CIAO3: variants seen among roughly 807,000 people sequenced by gnomAD.
The protein encoded by CIAO3 is cytosolic iron-sulfur assembly component 3.
A neutral mutation model predicts 51.5 loss-of-function variants in CIAO3; 45 were observed. The ratio of observed to expected loss-of-function variants is 0.87; its 90% CI spans 0.69 to 1.12. The LOEUF (loss-of-function observed/expected upper bound fraction) is 1.12, where lower values mean the gene tolerates loss of function less well. CIAO3 is among the 50% of genes most tolerant of loss of function. The pLI, the probability that CIAO3 is intolerant of heterozygous loss-of-function variation, is 0.00. For missense variants in CIAO3, 668 were observed against 632.5 expected (o/e 1.06, Z -0.60); for synonymous variants, 314 against 269.3 (o/e 1.17, Z -1.63).
intron 2 of CIAO3, chr16:738,473 C>A: frequency 2.6e-6 from 1 of 380,802 alleles, no homozygotes; most frequent in Non-Finnish European, 3.6e-6. Flanking sequence ...CTCAGCTTCC[C>A]GGTAGCTGGG....
chr16:740,240 G>T, intron 1 of CIAO3: 1 of 536,664 alleles, frequency 1.9e-6, no homozygotes, highest in Non-Finnish European at 3.1e-6. Context: ...CCCGCCTCTC[G>T]CCCTGCTCAG....
chr16:738,450 G>A (rs776918050), intron 2 of CIAO3: 7 of 497,654 alleles, frequency 1.4e-5, no homozygotes, highest in Non-Finnish European at 1.8e-5. Context: ...CCAGGCTCAC[G>A]CCATTCTCCT....
In CIAO3 at chr16:737,134, G is replaced by C; in HGVS notation, c.306+52C>G. The C allele has an allele frequency of 1.6e-5, 26 of 1,604,770 alleles. No homozygotes were observed. The South Asian group carries it at 2.9e-4, about 18-fold the overall frequency. On this transcript the variant is annotated intron_variant, in intron 3 of 10. Coordinates refer to ENST00000251588, the MANE Select transcript of CIAO3 (RefSeq NM_022493.3). This position sits in a 1 kb window ranked among gnomAD's most constrained non-coding sequence, Gnocchi z 5.3. ...CCCTTGGCAAAACGCGTTGTCGGCT[G>C]CTGGGATGGATTTCAGGTTAAAGCA...
Position 734,217 on chromosome 16 carries a change from C to T in CIAO3, c.693+12G>A, listed in dbSNP as rs1300886483. ...CCCCAGCCTGAGTCTGGGGCTGGCC[C>T]AACGCCGTTACCTGCTGCTGGGCGA... is the stretch of plus-strand genomic sequence containing the variant. On this transcript the variant is annotated intron_variant, in intron 6 of 10. Coordinates refer to ENST00000251588, the MANE Select transcript of CIAO3 (RefSeq NM_022493.3). 6.2e-7 allele frequency: 1 copy of T among 1,609,026 alleles called. No individual in the cohort carries two copies. The highest frequency in any genetic ancestry group is 8.5e-7 in the Non-Finnish European group (1 of 1,178,764).
chr16:733,489 C>G (rs1459928123), intron 6 of CIAO3, 62 bp from the exon 7 acceptor site: 2 of 1,605,534 alleles, frequency 1.2e-6, no homozygotes, highest in African/African-American at 2.7e-5. Context: ...GAGACGGGAC[C>G]TGGAACTCAG....
chr16:734,968 G>A, intron 4 of CIAO3, 97 bp from the exon 5 acceptor site: 1 of 1,416,248 alleles, frequency 7.1e-7, no homozygotes. Flanking sequence ...CAGGGCACGT[G>A]TGTCGCACCT....
At chr16:732,234 G>A in intron 8 of CIAO3, 67 bp downstream of exon 8, 2 of 1,502,926 alleles carry the variant, frequency 1.3e-6, no homozygotes, top group Admixed American at 1.9e-5. Context: ...CCCAGAGCAG[G>A]GGGATGCTAT....
Position 730,581 on chromosome 16 carries a change from G to C in CIAO3, c.1267C>G (p.Leu423Val). 6.2e-7 allele frequency: 1 copy of C among 1,610,932 alleles called. No homozygotes were observed. Among genetic ancestry groups the C allele is most frequent in the South Asian group, 1.1e-5 (1 of 91,090 alleles). The stretch of plus-strand genomic sequence containing the variant: ...GCCTCAGCCCGGACCATGCCGTACA[G>C]TCTCTCCACGTGCTGGAGGAGCTCT... ...SRELLQHVER[L>V]YGMVRAEAPE... Residue 423 changes from leucine (L) to valine (V), a missense_variant, in exon 11 of 11, where the codon CTG becomes GTG. Coordinates refer to ENST00000251588, the MANE Select transcript of CIAO3 (RefSeq NM_022493.3).
chr16:737,448 G>A lies in CIAO3; in HGVS notation c.163-119C>T. 2 of 1,563,436 alleles carry A rather than the reference G, an allele frequency of 1.3e-6. No homozygotes were observed. The highest frequency in any genetic ancestry group is 1.7e-6 in the Non-Finnish European group (2 of 1,155,282). ...ACATGGCTGCTGGCTGGGCTTGTGTGCCGCTGAATTTTTAAAAATTAGGTA... is the reference window on the plus strand; with the variant it reads ...ACATGGCTGCTGGCTGGGCTTGTGTACCGCTGAATTTTTAAAAATTAGGTA... On this transcript the variant is annotated intron_variant, in intron 2 of 10. Coordinates refer to ENST00000251588, the MANE Select transcript of CIAO3 (RefSeq NM_022493.3). This position sits in a 1 kb window ranked among gnomAD's most constrained non-coding sequence, Gnocchi z 5.3.
At chr16:739,817 G>T in intron 1 of CIAO3, 79 bp from the exon 2 acceptor site, 1 of 1,451,402 alleles carries the variant, frequency 6.9e-7, no homozygotes, top group Non-Finnish European at 9.5e-7. Context: ...AAGGATGGCT[G>T]CCCAGCCGCA....
intron 9 of CIAO3, chr16:731,245 G>A: frequency 1.6e-6 from 1 of 629,212 alleles, no homozygotes; most frequent in East Asian, 2.8e-5. Flanking sequence ...CCCCAGGGAT[G>A]TCTGTGAGGC....
Position 732,308 on chromosome 16 carries a change from C to G in CIAO3, c.889G>C (p.Asp297His). The G allele has an allele frequency of 6.2e-7, 1 of 1,612,312 alleles. No individual in the cohort carries two copies. The highest frequency in any genetic ancestry group is 8.5e-7 in the Non-Finnish European group (1 of 1,179,286). ...SLPDLEPAPL[D>H]SLCSGASAEE... Reference sequence around the variant, plus strand: ...GGTGGCAGACATACGTACAGGCTGTCCAGAGGGGCTGGTTCCAGGTCGGGG... The same window carrying G: ...GGTGGCAGACATACGTACAGGCTGTGCAGAGGGGCTGGTTCCAGGTCGGGG... Residue 297 changes from aspartate (D) to histidine (H), a missense_variant, in exon 8 of 11, where the codon GAC becomes CAC. Asp to His is a moderately conservative substitution (Grantham distance 81). Transcript: ENST00000251588.
Position 730,326 on chromosome 16 carries a change from A to C in CIAO3, c.*91T>G, listed in dbSNP as rs759525403. 9.1e-5 allele frequency: 122 copies of C among 1,340,134 alleles called. 2 individuals are homozygous for C. Among genetic ancestry groups the C allele is most frequent in the Non-Finnish European group, 1.2e-4 (115 of 961,854 alleles). 83.0% of individuals were successfully genotyped at this position (1,340,134 alleles called of 1,614,324 possible). ...TCCCAGCACACCCTGCAGCTCACTC[A>C]GAATTTTGGGGGAAGCCCTGGGGTC... On this transcript the variant is annotated 3_prime_UTR_variant, in exon 11 of 11. Transcript: ENST00000251588.
intron 7 of CIAO3, chr16:732,803 A>C: frequency 3.1e-6 from 1 of 323,276 alleles, no homozygotes; most frequent in Non-Finnish European, 6.1e-6. Context: ...ACTCCCGGCT[A>C]ATTTTCGTAT....
rs1190564883 is a variant in CIAO3, at chr16:733,183, C to T, written c.823+115G>A. ...AGGTACGTGCACGCATGCGAGCCCCCACACTCCAGCCAGGGCCCCCACAGG... is the reference window on the plus strand; with the variant it reads ...AGGTACGTGCACGCATGCGAGCCCCTACACTCCAGCCAGGGCCCCCACAGG... On this transcript the variant is annotated intron_variant, in intron 7 of 10. Coordinates refer to ENST00000251588, the MANE Select transcript of CIAO3 (RefSeq NM_022493.3). The T allele has an allele frequency of 3.0e-4, 410 of 1,381,234 alleles. 2 individuals are homozygous for T. Among genetic ancestry groups the T allele is most frequent in the Non-Finnish European group, 8.7e-5 (88 of 1,017,326 alleles). 85.6% of individuals were successfully genotyped at this position (1,381,234 alleles called of 1,614,324 possible).
chr16:736,214 C>G, intron 4 of CIAO3, 52 bp downstream of exon 4: 2 of 1,608,766 alleles, frequency 1.2e-6, no homozygotes, highest in Non-Finnish European at 1.7e-6. Context: ...TGGGCTTACT[C>G]AGACGCCCCC....
In CIAO3 at chr16:731,276, T is replaced by G. The variant is rs192569173; in HGVS notation, c.1035-276A>C. The stretch of plus-strand genomic sequence containing the variant: ...GAGGCCCTGGCCCTCCCTCCTGGGA[T>G]GTGGTCGCGTGCCTGCGCCAGGCAC... On this transcript the variant is annotated intron_variant, in intron 9 of 10. Transcript: ENST00000251588. 5.7e-4 allele frequency: 349 copies of G among 609,510 alleles called. 5 individuals are homozygous for G. In the East Asian group the frequency reaches 6.5e-3, roughly 11 times the overall value. The allele number at this position is 609,510 out of a possible 1,614,324, so 37.8% of individuals were successfully genotyped here.
chr16:735,005 AC>A (rs2041324110), intron 4 of CIAO3, 134 bp from the exon 5 acceptor site: 1 of 1,234,270 alleles, frequency 8.1e-7, no homozygotes, highest in Non-Finnish European at 1.1e-6. Context: ...CCCCGGCCCC[AC>A]CGTGGGGACC....
At chr16:734,523 C>A in intron 5 of CIAO3, 176 bp from the exon 6 acceptor site, 1 of 933,626 alleles carries the variant, frequency 1.1e-6, no homozygotes. Context: ...GCAGGCGACA[C>A]CGCCTAGGGA....
Sources: allele counts gnomAD v4.1 joint callset, GRCh38; gene constraint gnomAD v4.1.1; non-coding constraint Gnocchi (gnomAD v3.1); transcripts MANE v1.5; gene names NCBI Gene and HGNC (gene_info 2026-07-23, HGNC 2026-07-21).